LRMDA: variants seen among roughly 807,000 people sequenced by gnomAD.
LRMDA encodes the protein leucine-rich melanocyte differentiation-associated protein.
A neutral mutation model predicts 29.8 loss-of-function variants in LRMDA; 18 were observed. That is an observed-to-expected ratio of 0.60 (90% CI 0.42 to 0.90). The LOEUF (loss-of-function observed/expected upper bound fraction) is 0.90. LRMDA is among the 40% of genes least tolerant of loss of function. The probability of loss-of-function intolerance (pLI) is 0.00; values close to 1 mark genes in which losing one functional copy is unlikely to be tolerated. For synonymous variants in LRMDA, 125 were observed against 109.4 expected, an observed-to-expected ratio of 1.14 and a Z score of -0.89; for missense variants, 273 against 273.9, an observed-to-expected ratio of 1.00 and a Z score of 0.02.
chr10:76,445,876 T>G (rs553572830), intron 6 of LRMDA, among the ~76,000 whole-genome samples: 1 of 152,018 alleles, frequency 6.6e-6, no homozygotes, highest in Admixed American at 6.5e-5. Flanking sequence ...GTTTTCCCAA[T>G]TCAACTGAAT....
intron 4 of LRMDA, among the ~76,000 whole-genome samples, chr10:76,055,881 A>T (rs1327281939): frequency 6.6e-6 from 1 of 152,192 alleles, no homozygotes; most frequent in Non-Finnish European, 1.5e-5. Context: ...GGGAGCTGTT[A>T]GGTCTGGGCT....
At chr10:75,811,022 T>A (rs1843950653) in intron 2 of LRMDA, among the ~76,000 whole-genome samples, 1 of 152,182 alleles carries the variant, frequency 6.6e-6, no homozygotes, top group Non-Finnish European at 1.5e-5. Flanking sequence ...AGCTCCTAAT[T>A]ACTGTGCCTA....
At chr10:76,233,876 A>G (rs767539362) in intron 5 of LRMDA, among the ~76,000 whole-genome samples, 2 of 152,116 alleles carry the variant, frequency 1.3e-5, no homozygotes, top group Admixed American at 6.6e-5. Flanking sequence ...TATTTCCTCT[A>G]CTGAAGTCTT....
intron 2 of LRMDA, among the ~76,000 whole-genome samples, chr10:75,931,899 T>G (rs1271143087): frequency 6.6e-6 from 1 of 152,224 alleles, no homozygotes; most frequent in Non-Finnish European, 1.5e-5. Context: ...CATATCCTAT[T>G]GTATGTCTTC....
intron 5 of LRMDA, among the ~76,000 whole-genome samples, chr10:76,132,483 C>T: frequency 6.6e-6 from 1 of 152,132 alleles, no homozygotes; most frequent in South Asian, 2.1e-4. Flanking sequence ...CCCTAAGGCA[C>T]AGCAAGATGA....
chr10:75,751,285 G>A (rs1442721304), intron 2 of LRMDA, among the ~76,000 whole-genome samples: 1 of 151,808 alleles, frequency 6.6e-6, no homozygotes, highest in Non-Finnish European at 1.5e-5. Context: ...GCCTCGGCTC[G>A]GCATCAGAGG....
intron 5 of LRMDA, among the ~76,000 whole-genome samples, chr10:76,182,003 G>T (rs1406297624): frequency 1.3e-5 from 2 of 152,162 alleles, no homozygotes; most frequent in African/African-American, 2.4e-5. Flanking sequence ...TAATGTCTCT[G>T]ACCCCATTTT....
At chr10:75,874,422 A>C (rs61862119) in intron 2 of LRMDA, among the ~76,000 whole-genome samples, 1,532 of 152,304 alleles carry the variant, frequency 0.01, 11 homozygotes, top group Non-Finnish European at 0.017. Flanking sequence ...CATGGGATAA[A>C]ATTTTAAAAT....
intron 6 of LRMDA, among the ~76,000 whole-genome samples, chr10:76,543,450 A>G (rs144168009): frequency 2.1e-4 from 32 of 152,142 alleles, no homozygotes; most frequent in African/African-American, 7.2e-4. Context: ...ACTTTCTTAG[A>G]AAAGTTTATT....
chr10:76,405,170 T>C (rs1841889671), intron 6 of LRMDA, among the ~76,000 whole-genome samples: 1 of 152,122 alleles, frequency 6.6e-6, no homozygotes, highest in East Asian at 1.9e-4. Context: ...ACTAATACAA[T>C]TGGCAGGACC....
intron 6 of LRMDA, among the ~76,000 whole-genome samples, chr10:76,452,710 TG>T (rs1032665803): frequency 4.6e-5 from 7 of 152,126 alleles, no homozygotes; most frequent in Non-Finnish European, 5.9e-5. Flanking sequence ...TGGAAGGCCC[TG>T]GGGGAGGATG....
At chr10:75,570,471 T>G (rs186211414) in intron 2 of LRMDA, among the ~76,000 whole-genome samples, 1 of 152,294 alleles carries the variant, frequency 6.6e-6, no homozygotes, top group East Asian at 1.9e-4. Flanking sequence ...ATTTCTAGAA[T>G]TTATATGAAC....
chr10:75,649,665 A>G, intron 2 of LRMDA, among the ~76,000 whole-genome samples: 1 of 152,200 alleles, frequency 6.6e-6, no homozygotes, highest in Admixed American at 6.5e-5. Context: ...TTTTGGGTGT[A>G]TACCCAGAAG....
At chr10:76,326,278 C>T (rs1244237505) in intron 6 of LRMDA, among the ~76,000 whole-genome samples, 1 of 152,188 alleles carries the variant, frequency 6.6e-6, no homozygotes, top group African/African-American at 2.4e-5. Flanking sequence ...TAGCATAAAC[C>T]AATTTGGCTT....
intron 2 of LRMDA, among the ~76,000 whole-genome samples, chr10:75,506,197 C>G (rs1291495983): frequency 6.6e-6 from 1 of 152,154 alleles, no homozygotes; most frequent in African/African-American, 2.4e-5. Context: ...GGCTGAGTGA[C>G]CCCAAACATA....
chr10:76,392,090 T>C (rs1478305846), intron 6 of LRMDA, among the ~76,000 whole-genome samples: 1 of 152,198 alleles, frequency 6.6e-6, no homozygotes, highest in East Asian at 1.9e-4. Context: ...GCTTTAATAA[T>C]GTTGACCATA....
At chr10:76,468,218 G>T (rs1053781989) in intron 6 of LRMDA, among the ~76,000 whole-genome samples, 2 of 152,184 alleles carry the variant, frequency 1.3e-5, no homozygotes, top group Admixed American at 1.3e-4. Context: ...TTGCTAAATA[G>T]AATATATGTC....
At chr10:76,540,478 C>T (rs867094224) in intron 6 of LRMDA, among the ~76,000 whole-genome samples, 8 of 152,120 alleles carry the variant, frequency 5.3e-5, no homozygotes, top group Admixed American at 3.3e-4. Flanking sequence ...GTCTGTAATG[C>T]GAGTCATGAA....
chr10:75,762,435 T>C (rs1843109071), intron 2 of LRMDA, among the ~76,000 whole-genome samples: 1 of 152,240 alleles, frequency 6.6e-6, no homozygotes, highest in Non-Finnish European at 1.5e-5. Context: ...ATTCTTCCAA[T>C]GTGGCCTAGG....
Sources: gnomAD v4.1 joint callset for allele counts (sites outside exome capture counted in the v4.1 genomes callset) on GRCh38, gnomAD v4.1.1 for gene constraint, MANE v1.5 for transcripts, NCBI Gene and HGNC (gene_info 2026-07-23, HGNC 2026-07-21) for gene names.